Variants in KLHL11 observed in about 807,000 individuals in gnomAD.
KLHL11 encodes the protein kelch-like protein 11.
KLHL11 carries 26 observed loss-of-function variants against 56.1 expected under a neutral mutation model. That is an observed-to-expected ratio of 0.46 (90% CI 0.34 to 0.64). KLHL11 has a LOEUF of 0.64. Ranked by LOEUF, KLHL11 falls within the 30% of genes least tolerant of loss-of-function variation. The pLI, the probability that KLHL11 is intolerant of heterozygous loss-of-function variation, is 0.01. For synonymous variants in KLHL11, 338 were observed against 345.8 expected (o/e 0.98, Z 0.25); for missense variants, 627 against 919.4 (o/e 0.68, Z 4.11).
At chr17:41,862,495 T>C in intron 1 of KLHL11, among the ~76,000 whole-genome samples, 1 of 151,182 alleles carries the variant, frequency 6.6e-6, no homozygotes, top group East Asian at 1.9e-4. Flanking sequence ...TTAGCTAGGA[T>C]AGTCTCGATC....
chr17:41,855,227 T>C lies in KLHL11; in HGVS notation c.640A>G (p.Met214Val). The change falls in exon 2 of 2, where the codon ATG becomes GTG. Residue 214 changes from methionine (M) to valine (V), a missense_variant. Around this residue, in one of 4 missense-constraint regions of KLHL11, gnomAD observed 150 missense variants for 215.7 expected, o/e 0.70. Transcript: ENST00000319121. Reference sequence around the variant, plus strand: ...AGAGCAAGTTGGCTCAGGGTGTACATGTGTGCTAAGCTATGAATTGCCACA... The same window carrying C: ...AGAGCAAGTTGGCTCAGGGTGTACACGTGTGCTAAGCTATGAATTGCCACA... ...NCVAIHSLAH[M>V]YTLSQLALKA... 3.7e-6 allele frequency: 6 copies of C among 1,613,914 alleles called. No homozygotes were observed. The highest frequency in any genetic ancestry group is 5.1e-6 in the Non-Finnish European group (6 of 1,179,920).
chr17:41,854,818 AG>A lies in KLHL11; in HGVS notation c.1048del (p.Leu350TyrfsTer11). 1 of 1,614,234 alleles carries A rather than the reference AG, an allele frequency of 6.2e-7. No homozygotes were observed. The highest frequency in any genetic ancestry group is 8.5e-7 in the Non-Finnish European group (1 of 1,180,042). On this transcript the variant is annotated frameshift_variant, in exon 2 of 2. Coordinates refer to ENST00000319121, the MANE Select transcript of KLHL11 (RefSeq NM_018143.3). LOFTEE classifies it high-confidence loss of function. The surrounding 1 kb of genome is among the most constrained non-coding windows in gnomAD (Gnocchi z 4.9). ...TCQHPTSHVS[L>X]LPRYGQNMDV... is the part of the protein sequence containing the mutation. The stretch of plus-strand genomic sequence containing the variant: ...CATGTTTTGCCCATAACGAGGCAAT[AG>A]TGACACATGAGAAGTGGGGTGCTGG...
At position 41,854,177 on chromosome 17, in the gene KLHL11, A is replaced by G. The variant is rs1254296509; in HGVS notation, c.1690T>C (p.Cys564Arg). The change falls in exon 2 of 2, where the codon TGT (cysteine) becomes CGT (arginine). Residue 564 changes from cysteine (C) to arginine (R), a missense_variant. By Grantham distance (180) the Cys-to-Arg change is radical (BLOSUM62 -3). Transcript: ENST00000319121. This position sits in a 1 kb window ranked among gnomAD's most constrained non-coding sequence, Gnocchi z 4.9. ...VNSNFYQTAS[C>R]CPKSYCLENE... ...TCTAAACAATAACTCTTGGGACAAC[A>G]TGATGCTGTCTGATAAAAGTTTGAA... 6.2e-7 allele frequency: 1 copy of G among 1,614,074 alleles called. No individual in the cohort carries two copies. The highest frequency in any genetic ancestry group is 8.5e-7 in the Non-Finnish European group (1 of 1,180,018).
rs2048437482 is a variant in KLHL11, at chr17:41,865,371, C to T, written c.-1G>A. ...CCGCCGCCACTGCCGCAGCCGCCAT[C>T]TTGACGCCGCTGCGCCCGGCCTCCA... is the stretch of plus-strand genomic sequence containing the variant. On this transcript the variant is annotated 5_prime_UTR_variant, in exon 1 of 2. Transcript: ENST00000319121. The T allele has an allele frequency of 7.1e-7, 1 of 1,410,162 alleles. No individual in the cohort carries two copies. The highest frequency in any genetic ancestry group is 9.2e-7 in the Non-Finnish European group (1 of 1,085,662). 87.4% of individuals were successfully genotyped at this position (1,410,162 alleles called of 1,614,324 possible). A position where few individuals can be genotyped will look rare whatever the true frequency, so the allele number is the denominator to read the frequency against.
At chr17:41,863,476 G>A (rs186651617) in intron 1 of KLHL11, among the ~76,000 whole-genome samples, 9 of 152,234 alleles carry the variant, frequency 5.9e-5, no homozygotes, top group Admixed American at 5.9e-4. Context: ...GATTACAGGC[G>A]TGGGCCACCG....
At chr17:41,856,282 G>T (rs1452413253) in intron 1 of KLHL11, among the ~76,000 whole-genome samples, 1 of 152,188 alleles carries the variant, frequency 6.6e-6, no homozygotes. Context: ...GGGCCACTGT[G>T]CCTGGCCATG....
Position 41,853,691 on chromosome 17 carries a change from A to G in KLHL11, c.*49T>C. ...TTTAAATAACAGCCTGGGTATCTTC[A>G]GCTTCACGAAACGGGTGTAACAGTT... On this transcript the variant is annotated 3_prime_UTR_variant, in exon 2 of 2. Coordinates refer to ENST00000319121, the MANE Select transcript of KLHL11 (RefSeq NM_018143.3). 2.6e-6 allele frequency: 4 copies of G among 1,544,834 alleles called. No homozygotes were observed. Among genetic ancestry groups the G allele is most frequent in the Non-Finnish European group, 3.5e-6 (4 of 1,145,580 alleles).
chr17:41,857,046 T>C (rs781979327), intron 1 of KLHL11, among the ~76,000 whole-genome samples: 8 of 151,632 alleles, frequency 5.3e-5, no homozygotes, highest in Admixed American at 3.9e-4. Flanking sequence ...AAAGCACATA[T>C]AGAGCTGGGC....
In KLHL11 at chr17:41,864,733, G is replaced by A; in HGVS notation, c.545+93C>T. ...CAATGCATTCACTCAGGACTCGCGA[G>A]CTGCCGTGGCAGGCACTGCCCTCCC... On this transcript the variant is annotated intron_variant, in intron 1 of 1. Transcript: ENST00000319121. The A allele has an allele frequency of 3.1e-6, 4 of 1,277,166 alleles. 1 individual carries two copies. The highest frequency in any genetic ancestry group is 4.1e-6 in the Non-Finnish European group (4 of 967,514). 79.1% of individuals were successfully genotyped at this position (1,277,166 alleles called of 1,614,324 possible). A position where few individuals can be genotyped will look rare whatever the true frequency, so the allele number is the denominator to read the frequency against.
chr17:41,857,647 A>C (rs2048374466), intron 1 of KLHL11, among the ~76,000 whole-genome samples: 1 of 152,024 alleles, frequency 6.6e-6, no homozygotes, highest in South Asian at 2.1e-4. Context: ...AAAACACAAA[A>C]TAGAGTTTTT....
chr17:41,864,137 G>C (rs536397892), intron 1 of KLHL11, among the ~76,000 whole-genome samples: 93 of 152,262 alleles, frequency 6.1e-4, no homozygotes, highest in African/African-American at 1.6e-3. Context: ...CAAAACAAAC[G>C]CCTCTCCATC....
rs1243972272 is a variant in KLHL11 at position 41,853,325 on chromosome 17, TC to T, written c.*414del. 6.6e-6 allele frequency among the ~76,000 whole-genome samples: 1 copy of T among 152,226 alleles called. No homozygotes were observed. The highest frequency in any genetic ancestry group is 1.5e-5 in the Non-Finnish European group (1 of 68,038). On this transcript the variant is annotated 3_prime_UTR_variant, in exon 2 of 2. Transcript: ENST00000319121. ...ATGAGGGCTCAATGCAGAAGTCAGATCTTGCCAAAACCAATCATTTAATAAA... is the reference window on the plus strand; with the variant it reads ...ATGAGGGCTCAATGCAGAAGTCAGATTTGCCAAAACCAATCATTTAATAAA...
rs1191027160 is a variant in KLHL11, at chr17:41,858,410, T to A, written c.546-3089A>T. Among the ~76,000 whole-genome samples, 163 of 61,966 alleles carry A rather than the reference T, an allele frequency of 2.6e-3. 2 individuals are homozygous for A. The Middle Eastern group carries it at 0.029, about 11-fold the overall frequency. The allele number at this position is 61,966 out of a possible 152,430, so 40.7% of individuals were successfully genotyped here. On this transcript the variant is annotated intron_variant, in intron 1 of 1. Coordinates refer to ENST00000319121, the MANE Select transcript of KLHL11 (RefSeq NM_018143.3). ...CCCAGATATATATATATATATTTTTTGTTGTTGTTGTTGTTGTTGTTGTTG... is the reference window on the plus strand; with the variant it reads ...CCCAGATATATATATATATATTTTTAGTTGTTGTTGTTGTTGTTGTTGTTG...
intron 1 of KLHL11, among the ~76,000 whole-genome samples, chr17:41,859,083 C>T (rs2048386475): frequency 6.6e-6 from 1 of 152,162 alleles, no homozygotes; most frequent in Admixed American, 6.5e-5. Flanking sequence ...TGAATATATA[C>T]TCCCTGTGTC....
chr17:41,860,614 A>G (rs1445972083), intron 1 of KLHL11, among the ~76,000 whole-genome samples: 2 of 152,250 alleles, frequency 1.3e-5, no homozygotes, highest in East Asian at 3.9e-4. Flanking sequence ...TCAAGATGAT[A>G]TGACAGAATC....
chr17:41,853,938 A>C lies in KLHL11; in HGVS notation c.1929T>G (p.Leu643=), dbSNP rs1567873039. ...RYCAERKRWM[L]LPPMPQPRCR... Reference sequence around the variant, plus strand: ...AACGAGGTTGTGGCATAGGAGGAAGAAGCATCCACCTCTTCCTCTCCGCAC... The same window carrying C: ...AACGAGGTTGTGGCATAGGAGGAAGCAGCATCCACCTCTTCCTCTCCGCAC... The change falls in exon 2 of 2, where the codon CTT becomes CTG. Residue 643 remains leucine (L), a synonymous_variant. Coordinates refer to ENST00000319121, the MANE Select transcript of KLHL11 (RefSeq NM_018143.3). The C allele has an allele frequency of 9.9e-6, 16 of 1,614,190 alleles. No individual in the cohort carries two copies. Among genetic ancestry groups the C allele is most frequent in the Non-Finnish European group, 1.4e-5 (16 of 1,180,014 alleles).
chr17:41,858,869 C>A (rs1555622821), intron 1 of KLHL11, among the ~76,000 whole-genome samples: 3 of 151,632 alleles, frequency 2.0e-5, no homozygotes, highest in Non-Finnish European at 2.9e-5. Context: ...CCACCATGCC[C>A]AGCCCACCAG....
intron 1 of KLHL11, among the ~76,000 whole-genome samples, chr17:41,862,092 C>CT (rs782259380): frequency 0.031 from 4,525 of 145,866 alleles, 104 homozygotes; most frequent in Non-Finnish European, 0.046. Context: ...CTTTAAGATT[C>CT]TTTTTTTTTT....
chr17:41,851,736 T>A lies in KLHL11; in HGVS notation c.*2004A>T, dbSNP rs535310560. Reference sequence around the variant, plus strand: ...GCCTCGGCAACATGGAGAAACCCCATCTCTACCAAAAATACAAAAAAAAAA... The same window carrying A: ...GCCTCGGCAACATGGAGAAACCCCAACTCTACCAAAAATACAAAAAAAAAA... On this transcript the variant is annotated 3_prime_UTR_variant, in exon 2 of 2. Transcript: ENST00000319121. Among the ~76,000 whole-genome samples the A allele has an allele frequency of 2.0e-5, 3 of 150,630 alleles. No homozygotes were observed. Among genetic ancestry groups the A allele is most frequent in the Non-Finnish European group, 4.4e-5 (3 of 67,776 alleles).
Sources: gnomAD v4.1 joint callset for allele counts (sites outside exome capture counted in the v4.1 genomes callset) on GRCh38, gnomAD v4.1.1 for gene constraint, gnomAD v4.1.1 regional missense constraint, Gnocchi (gnomAD v3.1) non-coding constraint, MANE v1.5 for transcripts, NCBI Gene and HGNC (gene_info 2026-07-23, HGNC 2026-07-21) for gene names.